Variants in MDGA2 observed in about 807,000 individuals in gnomAD.
MDGA2 encodes MAM domain containing glycosylphosphatidylinositol anchor 2.
In MDGA2, 40 loss-of-function variants were observed where a neutral mutation model predicts 117.8. That is an observed-to-expected ratio of 0.34 (90% CI 0.26 to 0.44). The LOEUF is 0.44. Among genes scored for constraint, MDGA2 ranks in the 20% least tolerant of loss-of-function variants. The pLI is 1.00. For missense variants in MDGA2, 1,123 were observed against 1,250.6 expected (o/e 0.90, Z 1.54); for synonymous variants, 452 against 439.0 (o/e 1.03, Z -0.37).
chr14:47,133,741 T>G (rs1882320308), intron 4 of MDGA2, among the ~76,000 whole-genome samples: 4 of 152,034 alleles, frequency 2.6e-5, no homozygotes, highest in Admixed American at 6.6e-5. Context: ...CCTCCTTCTG[T>G]AATAATGGGA....
chr14:47,571,528 GATT>G lies in MDGA2; in HGVS notation c.280+102986_280+102988del, dbSNP rs569708891. ...CCAAATGTCCATTAATGATAGACTG[GATT>G]AAGAAAATGTGGCACATATACACCA... On this transcript the variant is annotated intron_variant, in intron 1 of 16. Coordinates refer to ENST00000399232, the MANE Select transcript of MDGA2 (RefSeq NM_001113498.3). 4.6e-5 allele frequency among the ~76,000 whole-genome samples: 7 copies of G among 152,204 alleles called. No individual in the cohort carries two copies. In the South Asian group the frequency reaches 1.2e-3, roughly 27 times the overall value.
chr14:46,973,073 T>C (rs915085152), intron 8 of MDGA2, among the ~76,000 whole-genome samples: 1 of 152,126 alleles, frequency 6.6e-6, no homozygotes, highest in Non-Finnish European at 1.5e-5. Context: ...AATACCATGA[T>C]ACGGCTACTA....
chr14:47,212,235 C>T (rs1300974900), intron 3 of MDGA2, among the ~76,000 whole-genome samples: 2 of 152,022 alleles, frequency 1.3e-5, no homozygotes, highest in East Asian at 3.9e-4. Context: ...TTTTAGTCAA[C>T]TTTATTTGGT....
chr14:47,600,416 A>T (rs1337664774), intron 1 of MDGA2, among the ~76,000 whole-genome samples: 1 of 152,074 alleles, frequency 6.6e-6, no homozygotes, highest in African/African-American at 2.4e-5. Flanking sequence ...CTCGGATGAC[A>T]GAGCAAGATA....
chr14:46,947,132 G>A (rs1375390857), intron 9 of MDGA2, among the ~76,000 whole-genome samples: 1 of 151,408 alleles, frequency 6.6e-6, no homozygotes, highest in African/African-American at 2.4e-5. Flanking sequence ...AATTATCTTT[G>A]TAAGATAAAC....
At chr14:47,138,389 T>C (rs1343022886) in intron 4 of MDGA2, among the ~76,000 whole-genome samples, 1 of 152,076 alleles carries the variant, frequency 6.6e-6, no homozygotes, top group Non-Finnish European at 1.5e-5. Flanking sequence ...AGTCTTGTAA[T>C]TAGATGGTAT....
chr14:46,863,557 A>G (rs1424866622), intron 14 of MDGA2, among the ~76,000 whole-genome samples: 4 of 152,170 alleles, frequency 2.6e-5, no homozygotes, highest in Non-Finnish European at 5.9e-5. Context: ...ACACTGGATG[A>G]GAAACAGAAG....
chr14:47,125,989 G>A (rs1452925607), intron 5 of MDGA2, among the ~76,000 whole-genome samples: 1 of 151,888 alleles, frequency 6.6e-6, no homozygotes, highest in East Asian at 1.9e-4. Context: ...GTGTCCTAGT[G>A]TTGGTAACAC....
chr14:47,400,077 C>T (rs2138457803), intron 1 of MDGA2, among the ~76,000 whole-genome samples: 1 of 152,136 alleles, frequency 6.6e-6, no homozygotes, highest in African/African-American at 2.4e-5. Context: ...GTTGACAGAG[C>T]AATCATAAAC....
At chr14:47,349,700 A>C in intron 1 of MDGA2, among the ~76,000 whole-genome samples, 1 of 152,244 alleles carries the variant, frequency 6.6e-6, no homozygotes, top group East Asian at 1.9e-4. Context: ...TTACCTTCTA[A>C]TAATAGATTC....
At chr14:47,210,121 C>T (rs1038554152) in intron 3 of MDGA2, among the ~76,000 whole-genome samples, 1 of 152,122 alleles carries the variant, frequency 6.6e-6, no homozygotes, top group Non-Finnish European at 1.5e-5. Flanking sequence ...GTAAAATAAA[C>T]TGATAATATG....
At position 47,658,992 on chromosome 14, in the gene MDGA2, A is replaced by C. The variant is rs374813925; in HGVS notation, c.280+15525T>G. 1.4e-4 allele frequency among the ~76,000 whole-genome samples: 22 copies of C among 152,008 alleles called. No homozygotes were observed. The East Asian group carries it at 3.5e-3, about 24-fold the overall frequency. On this transcript the variant is annotated intron_variant, in intron 1 of 16. Transcript: ENST00000399232. Reference sequence around the variant, plus strand: ...CCTTACAGGTGTTCTTCCCAACATCACTCTCTAATAAACCACCTGCATGTA... The same window carrying C: ...CCTTACAGGTGTTCTTCCCAACATCCCTCTCTAATAAACCACCTGCATGTA...
chr14:47,280,763 G>A (rs1888460959), intron 2 of MDGA2, among the ~76,000 whole-genome samples: 1 of 151,900 alleles, frequency 6.6e-6, no homozygotes, highest in South Asian at 2.1e-4. Context: ...TTCAACAAAT[G>A]ATAATTTGCC....
chr14:47,084,366 C>A (rs987000886), intron 6 of MDGA2, among the ~76,000 whole-genome samples: 1 of 151,768 alleles, frequency 6.6e-6, no homozygotes, highest in African/African-American at 2.4e-5. Context: ...CAGAAGATAT[C>A]AAAATTTGTA....
intron 9 of MDGA2, among the ~76,000 whole-genome samples, chr14:46,950,013 A>T: frequency 6.6e-6 from 1 of 151,930 alleles, no homozygotes; most frequent in East Asian, 1.9e-4. Flanking sequence ...AGGAGCCATC[A>T]AACTGCTGTA....
At chr14:47,226,775 C>A (rs895738851) in intron 2 of MDGA2, among the ~76,000 whole-genome samples, 2 of 152,078 alleles carry the variant, frequency 1.3e-5, no homozygotes, top group African/African-American at 4.8e-5. Context: ...TAAAAGTTTA[C>A]AAAATGTTAT....
intron 9 of MDGA2, among the ~76,000 whole-genome samples, chr14:46,937,295 T>TAAA (rs3038618): frequency 6.7e-6 from 1 of 148,322 alleles, no homozygotes; most frequent in Non-Finnish European, 1.5e-5. Flanking sequence ...AAATACTGGT[T>TAAA]AAAAAAAATT....
At chr14:47,007,777 T>G (rs1887763039) in intron 8 of MDGA2, among the ~76,000 whole-genome samples, 1 of 151,870 alleles carries the variant, frequency 6.6e-6, no homozygotes, top group East Asian at 1.9e-4. Context: ...TGTTTACTGA[T>G]ATAAATGTGT....
chr14:46,991,114 T>C (rs1887077747), intron 8 of MDGA2, among the ~76,000 whole-genome samples: 1 of 152,114 alleles, frequency 6.6e-6, no homozygotes, highest in Non-Finnish European at 1.5e-5. Context: ...GGCCAGACAT[T>C]TTTTATTATT....
Sources: gnomAD v4.1 joint callset for allele counts (sites outside exome capture counted in the v4.1 genomes callset) on GRCh38, gnomAD v4.1.1 for gene constraint, MANE v1.5 for transcripts, NCBI Gene and HGNC (gene_info 2026-07-23, HGNC 2026-07-21) for gene names.